CACNA2D4: variants seen among roughly 807,000 people sequenced by gnomAD.
CACNA2D4 encodes voltage-dependent calcium channel subunit alpha-2/delta-4.
A neutral mutation model predicts 163.8 loss-of-function variants in CACNA2D4; 157 were observed. The observed-to-expected ratio is 0.96, with a 90% confidence interval of 0.84 to 1.09. The LOEUF is 1.09. CACNA2D4 is among the 50% of genes least tolerant of loss of function. The pLI, the probability that CACNA2D4 is intolerant of heterozygous loss-of-function variation, is 0.00. For synonymous variants in CACNA2D4, 598 were observed against 586.9 expected (o/e 1.02, Z -0.27); for missense variants, 1,410 against 1,479.9 (o/e 0.95, Z 0.78).
At chr12:1,839,119 G>A (rs1864955846) in intron 26 of CACNA2D4, among the ~76,000 whole-genome samples, 1 of 152,214 alleles carries the variant, frequency 6.6e-6, no homozygotes, top group Non-Finnish European at 1.5e-5. Context: ...GAGGCAGGAA[G>A]ACAGAGCCCA....
chr12:1,902,870 A>G (rs1365862587), intron 6 of CACNA2D4, among the ~76,000 whole-genome samples: 2 of 152,128 alleles, frequency 1.3e-5, no homozygotes, highest in African/African-American at 4.8e-5. Flanking sequence ...ACAATTCAAA[A>G]ATGTATATGG....
rs890034439 is a variant in CACNA2D4, at chr12:1,878,513, A to G, written c.1645-124T>C. ...CAGCTCACAGCAGTGAGTGTTTTCA[A>G]TAGGAACGTAACTGAGCCAGTGCCA... On this transcript the variant is annotated intron_variant, in intron 15 of 37. Coordinates refer to ENST00000382722, the MANE Select transcript of CACNA2D4 (RefSeq NM_172364.5). This position sits in a 1 kb window ranked among gnomAD's most constrained non-coding sequence, Gnocchi z 4.6. 5 of 1,524,172 alleles carry G rather than the reference A, an allele frequency of 3.3e-6. No homozygotes were observed. Among genetic ancestry groups the G allele is most frequent in the African/African-American group, 2.8e-5 (2 of 72,566 alleles). 94.4% of individuals were successfully genotyped at this position (1,524,172 alleles called of 1,614,324 possible). A position where few individuals can be genotyped will look rare whatever the true frequency, so the allele number is the denominator to read the frequency against.
rs1863227855 is a variant in CACNA2D4, at chr12:1,799,195, C to A, written c.2995+480G>T. On this transcript the variant is annotated intron_variant, in intron 34 of 37. Transcript: ENST00000382722. This position sits in a 1 kb window ranked among gnomAD's most constrained non-coding sequence, Gnocchi z 4.7. ...TGCCGCCCTGCACGTGTGGCCACAG[C>A]CACCGGGCTTTGTGTTGGGGCCTCT... Among the ~76,000 whole-genome samples, 4 of 152,206 alleles carry A rather than the reference C, an allele frequency of 2.6e-5. No homozygotes were observed.
At chr12:1,873,015 A>G (rs1336533053) in intron 18 of CACNA2D4, among the ~76,000 whole-genome samples, 1 of 152,142 alleles carries the variant, frequency 6.6e-6, no homozygotes, top group African/African-American at 2.4e-5. Flanking sequence ...TTTGCAGTTG[A>G]TCATCTGGGT....
intron 31 of CACNA2D4, 148 bp downstream of exon 31, chr12:1,800,895 G>T: frequency 1.4e-6 from 1 of 695,192 alleles, no homozygotes; most frequent in Non-Finnish European, 2.5e-6. Flanking sequence ...GAGAGCAGTG[G>T]CTCTGAGCAG....
chr12:1,805,966 C>T lies in CACNA2D4; in HGVS notation c.2721+4312G>A, dbSNP rs375711474. ...AGGCCCAGAAAGGCATGCCTGATGC[C>T]CCCTGACGACAGAGAGGGATGCCCT... On this transcript the variant is annotated intron_variant, in intron 29 of 37. Coordinates refer to ENST00000382722, the MANE Select transcript of CACNA2D4 (RefSeq NM_172364.5). Among the ~76,000 whole-genome samples the T allele has an allele frequency of 1.4e-4, 21 of 152,328 alleles. No individual in the cohort carries two copies. The East Asian group carries it at 2.9e-3, about 21-fold the overall frequency.
At chr12:1,825,907 A>G (rs10848581) in intron 26 of CACNA2D4, among the ~76,000 whole-genome samples, 106,175 of 152,088 alleles carry the variant, frequency 0.7, 37,273 homozygotes, top group East Asian at 0.8. Flanking sequence ...GTGGACTGTG[A>G]GCTCTTGATA....
chr12:1,809,865 C>G (rs1022662880), intron 29 of CACNA2D4, among the ~76,000 whole-genome samples: 1 of 152,028 alleles, frequency 6.6e-6, no homozygotes, highest in Non-Finnish European at 1.5e-5. Flanking sequence ...CTTCTGGGCC[C>G]CACAATGGTA....
In CACNA2D4 at chr12:1,797,431, C is replaced by G. The variant is rs1162413265; in HGVS notation, c.3100G>C (p.Gly1034Arg). ...IREANGIVEC[G>R]PCQKVFVVQQ... is the part of the protein sequence containing the mutation. ...CTGCGGTCTTACTTCTGGCAGGGCC[C>G]GCACTCCACGATCCCGTTGGCCTCC... The change falls in exon 35 of 38, where the codon GGG becomes CGG. Residue 1034 changes from glycine (G) to arginine (R), a missense_variant. Transcript: ENST00000382722. The G allele has an allele frequency of 1.3e-6, 2 of 1,551,130 alleles. No individual in the cohort carries two copies. The highest frequency in any genetic ancestry group is 1.7e-6 in the Non-Finnish European group (2 of 1,152,912).
In CACNA2D4 at chr12:1,829,566, G is replaced by C. The variant is rs1011598618; in HGVS notation, c.2551+11173C>G. Among the ~76,000 whole-genome samples, 2 of 151,996 alleles carry C rather than the reference G, an allele frequency of 1.3e-5. No homozygotes were observed. The highest frequency in any genetic ancestry group is 2.4e-5 in the African/African-American group (1 of 41,390). On this transcript the variant is annotated intron_variant, in intron 26 of 37. Coordinates refer to ENST00000382722, the MANE Select transcript of CACNA2D4 (RefSeq NM_172364.5). The surrounding 1 kb of genome is among the most constrained non-coding windows in gnomAD (Gnocchi z 4.2). ...CACGTGTCAGCTCTCAGCTGTCATC[G>C]ATCCTCCAGGCAGGGAAGGGGAGAG...
In CACNA2D4 at chr12:1,909,106, C is replaced by G. The variant is rs59623753; in HGVS notation, c.486+800G>C. On this transcript the variant is annotated intron_variant, in intron 4 of 37. Coordinates refer to ENST00000382722, the MANE Select transcript of CACNA2D4 (RefSeq NM_172364.5). ...ACCTCCTCACCTAACTGTCCAAGACCACTGCCTTCCTCACCAGCCTCTGGA... is the reference window on the plus strand; with the variant it reads ...ACCTCCTCACCTAACTGTCCAAGACGACTGCCTTCCTCACCAGCCTCTGGA... 9.0e-3 allele frequency among the ~76,000 whole-genome samples: 1,375 copies of G among 152,326 alleles called. 26 individuals are homozygous for G. The highest frequency in any genetic ancestry group is 0.031 in the African/African-American group (1,288 of 41,570).
rs994213781 is a variant in CACNA2D4 at position 1,833,074 on chromosome 12, A to G, written c.2551+7665T>C. Among the ~76,000 whole-genome samples the G allele has an allele frequency of 1.3e-5, 2 of 152,148 alleles. No homozygotes were observed. The highest frequency in any genetic ancestry group is 2.4e-5 in the African/African-American group (1 of 41,434). On this transcript the variant is annotated intron_variant, in intron 26 of 37. Coordinates refer to ENST00000382722, the MANE Select transcript of CACNA2D4 (RefSeq NM_172364.5). This position sits in a 1 kb window ranked among gnomAD's most constrained non-coding sequence, Gnocchi z 4.2. ...CTCTCCTGTGGTCGCCGGGAACTGA[A>G]TTCCCAGCACAAAAATGCATGCCAT...
chr12:1,910,190 C>T lies in CACNA2D4; in HGVS notation c.427-225G>A, dbSNP rs181145768. On this transcript the variant is annotated intron_variant, in intron 3 of 37. Transcript: ENST00000382722. ...ATATGGCTAAGTGAAAGCAGCCCAT[C>T]GGCAGAGGCCATGCACCTGTGATCC... Among the ~76,000 whole-genome samples the T allele has an allele frequency of 5.4e-4, 83 of 152,376 alleles. 1 individual carries two copies. The East Asian group carries it at 0.01, about 18-fold the overall frequency.
chr12:1,878,941 C>G lies in CACNA2D4; in HGVS notation c.1644+15G>C. ...GGGAACCTGTGATCCCCACAGGGAACAGACCCAGGCTCACCTTGTACCGGG... is the reference window on the plus strand; with the variant it reads ...GGGAACCTGTGATCCCCACAGGGAAGAGACCCAGGCTCACCTTGTACCGGG... On this transcript the variant is annotated intron_variant, in intron 15 of 37. Transcript: ENST00000382722. This position sits in a 1 kb window ranked among gnomAD's most constrained non-coding sequence, Gnocchi z 4.6. 1 of 1,610,994 alleles carries G rather than the reference C, an allele frequency of 6.2e-7. No homozygotes were observed. Among genetic ancestry groups the G allele is most frequent in the Non-Finnish European group, 8.5e-7 (1 of 1,177,504 alleles).
At chr12:1,908,135 G>A (rs923720091) in intron 4 of CACNA2D4, 98 bp from the exon 5 acceptor site, 10 of 1,268,006 alleles carry the variant, frequency 7.9e-6, no homozygotes, top group Non-Finnish European at 1.1e-5. Context: ...CGAGAGGGCC[G>A]GGGCCGGGCG....
Position 1,917,139 on chromosome 12 carries a change from C to A in CACNA2D4, c.227+1108G>T, listed in dbSNP as rs1261267069. ...AGGCTGACAGGAGTTCAAATCCCAG[C>A]ACCTTCACTTCCTGGCCTTGTGAAC... On this transcript the variant is annotated intron_variant, in intron 1 of 37. Coordinates refer to ENST00000382722, the MANE Select transcript of CACNA2D4 (RefSeq NM_172364.5). The surrounding 1 kb of genome is among the most constrained non-coding windows in gnomAD (Gnocchi z 4.3). 6.6e-6 allele frequency among the ~76,000 whole-genome samples: 1 copy of A among 152,178 alleles called. No homozygotes were observed. The highest frequency in any genetic ancestry group is 1.5e-5 in the Non-Finnish European group (1 of 68,024).
intron 26 of CACNA2D4, among the ~76,000 whole-genome samples, chr12:1,815,334 CCT>C (rs1306571299): frequency 2.1e-5 from 3 of 144,390 alleles, no homozygotes; most frequent in African/African-American, 8.8e-5. Flanking sequence ...GCTGTTCTCT[CCT>C]CCTGGAATGC....
chr12:1,847,453 A>T (rs1460978551), intron 23 of CACNA2D4, among the ~76,000 whole-genome samples: 1 of 152,188 alleles, frequency 6.6e-6, no homozygotes, highest in East Asian at 1.9e-4. Flanking sequence ...TTCCTCATGG[A>T]TAGACCTGTG....
chr12:1,908,428 C>G (rs1390298166), intron 4 of CACNA2D4, among the ~76,000 whole-genome samples: 1 of 152,210 alleles, frequency 6.6e-6, no homozygotes, highest in Non-Finnish European at 1.5e-5. Flanking sequence ...GCCCCAGAAC[C>G]GAGCCTGCGC....
Sources: allele counts gnomAD v4.1 joint callset (sites outside exome capture counted in the v4.1 genomes callset), GRCh38; gene constraint gnomAD v4.1.1; non-coding constraint Gnocchi (gnomAD v3.1); transcripts MANE v1.5; gene names NCBI Gene and HGNC (gene_info 2026-07-23, HGNC 2026-07-21).